The following KPNA3 variants were observed in gnomAD, a reference collection of about 807,000 sequenced individuals.
KPNA3 encodes importin subunit alpha-4.
In KPNA3, 13 loss-of-function variants were observed where a neutral mutation model predicts 73.8. The observed-to-expected ratio is 0.18, with a 90% CI of 0.11 to 0.28. KPNA3 has a LOEUF of 0.28. KPNA3 is among the 10% of genes least tolerant of loss of function. The pLI is 1.00. For missense variants in KPNA3, 360 were observed against 618.1 expected, an observed-to-expected ratio of 0.58 and a Z score of 4.43; for synonymous variants, 186 against 206.9, an observed-to-expected ratio of 0.90 and a Z score of 0.87.
intron 10 of KPNA3, among the ~76,000 whole-genome samples, chr13:49,713,339 CTAA>C (rs1954277134): frequency 7.4e-6 from 1 of 135,052 alleles, no homozygotes; most frequent in South Asian, 2.4e-4. Context: ...TAAAAACATA[CTAA>C]TAATAGGAGG....
intron 6 of KPNA3, among the ~76,000 whole-genome samples, chr13:49,729,512 C>A (rs922075096): frequency 6.6e-6 from 1 of 152,146 alleles, no homozygotes; most frequent in Non-Finnish European, 1.5e-5. Context: ...TGGCCGAGTG[C>A]GGTGGCTCAC....
Position 49,701,130 on chromosome 13 carries a change from A to G in KPNA3, c.*670T>C, listed in dbSNP as rs1954143002. 1 of 161,152 alleles carries G rather than the reference A, an allele frequency of 6.2e-6. No individual in the cohort carries two copies. Among genetic ancestry groups the G allele is most frequent in the Admixed American group, 6.2e-5 (1 of 16,186 alleles). 10.0% of individuals were successfully genotyped at this position (161,152 alleles called of 1,614,324 possible). A position where few individuals can be genotyped will look rare whatever the true frequency, so the allele number is the denominator to read the frequency against. Reference sequence around the variant, plus strand: ...GGCAAAAGCATTAATATCCATATCTAAAGTTCTTCCTCCAACCCTGGCTTC... The same window carrying G: ...GGCAAAAGCATTAATATCCATATCTGAAGTTCTTCCTCCAACCCTGGCTTC... On this transcript the variant is annotated 3_prime_UTR_variant, in exon 17 of 17. Transcript: ENST00000261667.
intron 1 of KPNA3, among the ~76,000 whole-genome samples, chr13:49,753,447 T>C (rs1465572843): frequency 6.6e-6 from 1 of 152,252 alleles, no homozygotes; most frequent in Non-Finnish European, 1.5e-5. Context: ...CTACTGTTTA[T>C]ATGAGCACTT....
intron 1 of KPNA3, among the ~76,000 whole-genome samples, chr13:49,774,073 A>T: frequency 6.8e-6 from 1 of 146,256 alleles, no homozygotes; most frequent in African/African-American, 2.5e-5. Flanking sequence ...ACCCAGGCTA[A>T]TTTTTTTTTT....
intron 1 of KPNA3, among the ~76,000 whole-genome samples, chr13:49,783,752 T>A (rs934826719): frequency 1.1e-4 from 17 of 152,198 alleles, no homozygotes; most frequent in Non-Finnish European, 2.2e-4. Flanking sequence ...CATGTCCCAT[T>A]TCCCCCAAAT....
At chr13:49,762,881 TA>T (rs1216907603) in intron 1 of KPNA3, among the ~76,000 whole-genome samples, 1 of 100,202 alleles carries the variant, frequency 1.0e-5, no homozygotes, top group Non-Finnish European at 2.1e-5. Flanking sequence ...AAAATTAAAT[TA>T]AAAAAATAAA....
intron 10 of KPNA3, among the ~76,000 whole-genome samples, chr13:49,718,205 G>A (rs1473009422): frequency 6.6e-6 from 1 of 152,230 alleles, no homozygotes; most frequent in East Asian, 1.9e-4. Context: ...AAGATAAAAG[G>A]AGTCTACAGA....
At chr13:49,772,263 G>T (rs911640565) in intron 1 of KPNA3, among the ~76,000 whole-genome samples, 1 of 152,176 alleles carries the variant, frequency 6.6e-6, no homozygotes, top group Non-Finnish European at 1.5e-5. Flanking sequence ...ATCTTAGGGG[G>T]AAAGCTTTAC....
chr13:49,715,983 G>A (rs1954300939), intron 10 of KPNA3, among the ~76,000 whole-genome samples: 1 of 149,766 alleles, frequency 6.7e-6, no homozygotes, highest in Admixed American at 6.8e-5. Flanking sequence ...TCCATTACAT[G>A]GTCACTACTA....
At chr13:49,753,402 G>A (rs180781990) in intron 1 of KPNA3, among the ~76,000 whole-genome samples, 1 of 152,154 alleles carries the variant, frequency 6.6e-6, no homozygotes, top group Non-Finnish European at 1.5e-5. Flanking sequence ...AAGTATACAA[G>A]TGGCAAAACA....
intron 1 of KPNA3, among the ~76,000 whole-genome samples, chr13:49,783,032 TAAG>T (rs776861776): frequency 2.2e-4 from 33 of 151,840 alleles, no homozygotes; most frequent in Admixed American, 4.6e-4. Context: ...CCAAAAAAAT[TAAG>T]AAGAGCAAAA....
chr13:49,778,194 T>C (rs953190440), intron 1 of KPNA3, among the ~76,000 whole-genome samples: 2 of 152,214 alleles, frequency 1.3e-5, no homozygotes, highest in Non-Finnish European at 1.5e-5. Flanking sequence ...CCTTACATAT[T>C]TGAAGTTCAG....
At chr13:49,760,596 C>G (rs1954750980) in intron 1 of KPNA3, among the ~76,000 whole-genome samples, 1 of 152,112 alleles carries the variant, frequency 6.6e-6, no homozygotes, top group Non-Finnish European at 1.5e-5. Flanking sequence ...ATAGTTGATT[C>G]CAGGTGTCAA....
intron 10 of KPNA3, among the ~76,000 whole-genome samples, chr13:49,718,744 T>G (rs1002492225): frequency 2.6e-4 from 39 of 152,212 alleles, no homozygotes; most frequent in Admixed American, 1.5e-3. Context: ...TTAGGCTGTG[T>G]CAAACACGAA....
At chr13:49,768,475 A>G (rs1295191869) in intron 1 of KPNA3, among the ~76,000 whole-genome samples, 2 of 151,536 alleles carry the variant, frequency 1.3e-5, no homozygotes, top group African/African-American at 2.4e-5. Flanking sequence ...TATTGTTGAA[A>G]TCAGGCATTT....
intron 15 of KPNA3, among the ~76,000 whole-genome samples, chr13:49,703,841 T>C (rs1327503356): frequency 2.0e-5 from 3 of 152,184 alleles, no homozygotes; most frequent in Admixed American, 2.0e-4. Context: ...TTTTCTTATA[T>C]ACTAATAAAC....
chr13:49,700,402 C>A lies in KPNA3; in HGVS notation c.*1398G>T, dbSNP rs958718893. 6.6e-6 allele frequency: 1 copy of A among 152,626 alleles called. No individual in the cohort carries two copies. Among genetic ancestry groups the A allele is most frequent in the African/African-American group, 2.4e-5 (1 of 41,464 alleles). The allele number at this position is 152,626 out of a possible 1,614,324, so 9.5% of individuals were successfully genotyped here. On this transcript the variant is annotated 3_prime_UTR_variant, in exon 17 of 17. Coordinates refer to ENST00000261667, the MANE Select transcript of KPNA3 (RefSeq NM_002267.4). The stretch of plus-strand genomic sequence containing the variant: ...AGCAACAATACCATTTCTGTGACAG[C>A]ACAAATTATTTAGTTTAAAAATTTT...
intron 1 of KPNA3, among the ~76,000 whole-genome samples, chr13:49,784,697 A>G (rs1954967678): frequency 6.6e-6 from 1 of 152,222 alleles, no homozygotes; most frequent in Non-Finnish European, 1.5e-5. Context: ...GCAGTAGGAA[A>G]AGGCACTAAA....
chr13:49,733,292 T>TTTTTTG (rs1555305174), intron 2 of KPNA3, among the ~76,000 whole-genome samples: 5 of 146,312 alleles, frequency 3.4e-5, no homozygotes, highest in Non-Finnish European at 7.5e-5. Context: ...GTTTTTTTTT[T>TTTTTTG]TTTTTTTTTT....
Sources: allele counts gnomAD v4.1 joint callset (sites outside exome capture counted in the v4.1 genomes callset), GRCh38; gene constraint gnomAD v4.1.1; transcripts MANE v1.5; gene names NCBI Gene and HGNC (gene_info 2026-07-23, HGNC 2026-07-21).